MSRA: variants seen among roughly 807,000 people sequenced by gnomAD.
MSRA encodes methionine sulfoxide reductase A, also known as mitochondrial peptide methionine sulfoxide reductase.
MSRA carries 54 observed loss-of-function variants against 31.3 expected under a neutral mutation model. The observed-to-expected ratio is 1.73, with a 90% CI of 1.39 to 2.17. The LOEUF (loss-of-function observed/expected upper bound fraction) is 2.17, where lower values mean the gene tolerates loss of function less well. MSRA is among the 30% of genes most tolerant of loss of function. MSRA has a pLI of 0.00. For missense variants in MSRA, 507 were observed against 300.9 expected (o/e 1.69, Z -5.07); for synonymous variants, 169 against 116.5 (o/e 1.45, Z -2.90).
rs575462207 is a variant in MSRA at position 10,391,854 on chromosome 8, A to T, written c.544-36294A>T. On this transcript the variant is annotated intron_variant, in intron 5 of 5. Transcript: ENST00000317173. The stretch of plus-strand genomic sequence containing the variant: ...GACGGTGGTGTCTTTTAAATACCGC[A>T]TTTCACTTCCTAGGGACGTTTCTTC... Among the ~76,000 whole-genome samples, 3 of 152,270 alleles carry T rather than the reference A, an allele frequency of 2.0e-5. No homozygotes were observed. The East Asian group carries it at 5.8e-4, about 29-fold the overall frequency.
intron 5 of MSRA, among the ~76,000 whole-genome samples, chr8:10,381,448 G>T (rs1408856492): frequency 1.3e-5 from 2 of 152,176 alleles, no homozygotes. Context: ...CATTTCAGGG[G>T]AAGAGCTGGG....
chr8:10,142,971 CCCTGAT>C lies in MSRA; in HGVS notation c.143-64858_143-64853del, dbSNP rs141527173. ...AGCACCTTCCTTTTCCCAGTTCCCA[CCCTGAT>C]CCTTTATTTTGCTCCATTTCCCCAT... is the stretch of plus-strand genomic sequence containing the variant. On this transcript the variant is annotated intron_variant, in intron 1 of 5. Transcript: ENST00000317173. Among the ~76,000 whole-genome samples the C allele has an allele frequency of 5.4e-3, 819 of 152,256 alleles. 4 individuals are homozygous for C. Among genetic ancestry groups the C allele is most frequent in the Middle Eastern group, 0.014 (4 of 294 alleles).
chr8:10,303,207 T>C (rs1260896595), intron 4 of MSRA, among the ~76,000 whole-genome samples: 14 of 152,236 alleles, frequency 9.2e-5, no homozygotes. Flanking sequence ...TGTGGCCAAC[T>C]GCAATGCCAC....
intron 1 of MSRA, among the ~76,000 whole-genome samples, chr8:10,073,407 C>T (rs984834137): frequency 9.8e-5 from 15 of 152,296 alleles, no homozygotes; most frequent in African/African-American, 3.1e-4. Flanking sequence ...TCTGTGTCTG[C>T]GTTCTCAGTG....
At chr8:10,077,400 T>C (rs1403678933) in intron 1 of MSRA, among the ~76,000 whole-genome samples, 1 of 151,992 alleles carries the variant, frequency 6.6e-6, no homozygotes, top group South Asian at 2.1e-4. Flanking sequence ...GGGGAAGATA[T>C]GGGAAGATGT....
At position 10,301,763 on chromosome 8, in the gene MSRA, C is replaced by G. The variant is rs919776342; in HGVS notation, c.436+125C>G. 1.2e-5 allele frequency: 9 copies of G among 757,898 alleles called. No individual in the cohort carries two copies. The African/African-American group carries it at 1.4e-4, about 12-fold the overall frequency. The allele number at this position is 757,898 out of a possible 1,614,324, so 46.9% of individuals were successfully genotyped here. On this transcript the variant is annotated intron_variant, in intron 4 of 5. Coordinates refer to ENST00000317173, the MANE Select transcript of MSRA (RefSeq NM_012331.5). ...AGGAGCTCAAGAATATGATTGCAGA[C>G]ATTTATTGACGGAGGAGAGGAGGGG...
intron 5 of MSRA, among the ~76,000 whole-genome samples, chr8:10,422,695 C>T (rs753446931): frequency 2.6e-5 from 4 of 152,242 alleles, no homozygotes; most frequent in East Asian, 1.9e-4. Flanking sequence ...TGAAGTGGAA[C>T]GTGGTAGGGG....
intron 3 of MSRA, among the ~76,000 whole-genome samples, chr8:10,294,008 A>G (rs1348235928): frequency 6.6e-6 from 1 of 152,150 alleles, no homozygotes; most frequent in Admixed American, 6.5e-5. Flanking sequence ...GTTTGAGACC[A>G]GCCTGGCCAA....
intron 2 of MSRA, among the ~76,000 whole-genome samples, chr8:10,231,117 G>T (rs534353412): frequency 9.2e-5 from 14 of 152,118 alleles, no homozygotes; most frequent in Non-Finnish European, 2.1e-4. Context: ...GAAGATGACA[G>T]GTTTGAAAGT....
At chr8:10,427,896 G>T (rs572601625) in intron 5 of MSRA, among the ~76,000 whole-genome samples, 1 of 152,200 alleles carries the variant, frequency 6.6e-6, no homozygotes. Context: ...GGGTGTGGGG[G>T]TAGAGTGTAA....
intron 5 of MSRA, among the ~76,000 whole-genome samples, chr8:10,385,742 T>C (rs1390842568): frequency 6.8e-6 from 1 of 147,012 alleles, no homozygotes; most frequent in Non-Finnish European, 1.5e-5. Context: ...ACCGGTGTCA[T>C]AGCCACATTT....
chr8:10,288,572 G>A (rs1390082321), intron 3 of MSRA, among the ~76,000 whole-genome samples: 1 of 152,150 alleles, frequency 6.6e-6, no homozygotes. Flanking sequence ...AATAACTGAT[G>A]CTTTTGGCAC....
intron 5 of MSRA, among the ~76,000 whole-genome samples, chr8:10,363,626 TGTGCCTCACA>T (rs1341956421): frequency 1.3e-5 from 2 of 152,084 alleles, no homozygotes; most frequent in Non-Finnish European, 2.9e-5. Flanking sequence ...TGCTGAGAAC[TGTGCCTCACA>T]GGTCCTAAAT....
chr8:10,207,609 CCTCAGCCTA>C (rs1162710908), intron 1 of MSRA, among the ~76,000 whole-genome samples: 1 of 152,150 alleles, frequency 6.6e-6, no homozygotes, highest in Non-Finnish European at 1.5e-5. Flanking sequence ...CAAGCTCAGA[CCTCAGCCTA>C]CTCATTTATA....
chr8:10,237,125 C>G (rs1284400888), intron 2 of MSRA, among the ~76,000 whole-genome samples: 1 of 152,196 alleles, frequency 6.6e-6, no homozygotes, highest in Admixed American at 6.5e-5. Flanking sequence ...TGCAGGTTTT[C>G]ATTGTGTTGT....
At chr8:10,320,630 C>T (rs1295142773) in intron 5 of MSRA, among the ~76,000 whole-genome samples, 1 of 152,160 alleles carries the variant, frequency 6.6e-6, no homozygotes, top group Non-Finnish European at 1.5e-5. Flanking sequence ...TTTTACAGGG[C>T]TATTGTAACA....
intron 5 of MSRA, among the ~76,000 whole-genome samples, chr8:10,409,410 G>T (rs369058059): frequency 6.6e-6 from 1 of 152,318 alleles, no homozygotes; most frequent in South Asian, 2.1e-4. Flanking sequence ...ATCATGTAAG[G>T]TCTCTTGTCA....
intron 3 of MSRA, among the ~76,000 whole-genome samples, chr8:10,295,771 T>C (rs4403412): frequency 0.73 from 111,301 of 152,018 alleles, 41,248 homozygotes; most frequent in African/African-American, 0.85. Flanking sequence ...GTGGGAGCCT[T>C]TCCTCCAGCT....
chr8:10,396,051 C>T (rs951025819), intron 5 of MSRA, among the ~76,000 whole-genome samples: 10 of 152,314 alleles, frequency 6.6e-5, no homozygotes, highest in African/African-American at 1.7e-4. Flanking sequence ...TCCCTCCCTT[C>T]TCCCCTTCCC....
Sources: gnomAD v4.1 joint callset for allele counts (sites outside exome capture counted in the v4.1 genomes callset) on GRCh38, gnomAD v4.1.1 for gene constraint, MANE v1.5 for transcripts, NCBI Gene and HGNC (gene_info 2026-07-23, HGNC 2026-07-21) for gene names.